ANTXR2: variants seen among roughly 807,000 people sequenced by gnomAD.
ANTXR2 encodes the protein ANTXR cell adhesion molecule 2.
ANTXR2 carries 44 observed loss-of-function variants against 73.7 expected under a neutral mutation model. The ratio of observed to expected loss-of-function variants is 0.60; its 90% CI spans 0.47 to 0.77. The LOEUF is 0.77. Among genes scored for constraint, ANTXR2 ranks in the 30% least tolerant of loss-of-function variants. ANTXR2 has a pLI of 0.00. For missense variants in ANTXR2, 604 were observed against 592.5 expected, an observed-to-expected ratio of 1.02 and a Z score of -0.20; for synonymous variants, 217 against 205.9, an observed-to-expected ratio of 1.05 and a Z score of -0.46.
chr4:79,916,400 G>A (rs182204645), intron 16 of ANTXR2, among the ~76,000 whole-genome samples: 1 of 152,150 alleles, frequency 6.6e-6, no homozygotes, highest in African/African-American at 2.4e-5. Context: ...AATAGATATA[G>A]ATATAATCAG....
At chr4:79,912,079 T>G (rs1173155829) in intron 16 of ANTXR2, among the ~76,000 whole-genome samples, 1 of 151,960 alleles carries the variant, frequency 6.6e-6, no homozygotes, top group Non-Finnish European at 1.5e-5. Flanking sequence ...TATAATACTC[T>G]TTGGATTCAA....
At position 79,978,032 on chromosome 4, in the gene ANTXR2, TGAGGAGGCTG is replaced by T. The variant is rs1262325284; in HGVS notation, c.1312_1321del (p.Gln438ArgfsTer19). ...CTTAATTGGGGTGTACCATTTTGTC[TGAGGAGGCTG>T]GTGTGTGGGTTTGGGTCGAGGTGGT... is the stretch of plus-strand genomic sequence containing the variant. On this transcript the variant is annotated frameshift_variant, in exon 15 of 17. Coordinates refer to ENST00000403729, the MANE Select transcript of ANTXR2 (RefSeq NM_058172.6). LOFTEE classifies it high-confidence loss of function. The T allele has an allele frequency of 5.0e-6, 8 of 1,603,348 alleles. No individual in the cohort carries two copies. Among genetic ancestry groups the T allele is most frequent in the Non-Finnish European group, 6.8e-6 (8 of 1,176,646 alleles).
At chr4:80,060,957 C>T (rs1257779929) in intron 3 of ANTXR2, among the ~76,000 whole-genome samples, 1 of 152,122 alleles carries the variant, frequency 6.6e-6, no homozygotes, top group East Asian at 1.9e-4. Flanking sequence ...AAGCGGAATG[C>T]CTTCACATGG....
chr4:79,990,851 C>A (rs1019691672), intron 12 of ANTXR2, among the ~76,000 whole-genome samples: 1 of 152,042 alleles, frequency 6.6e-6, no homozygotes, highest in Non-Finnish European at 1.5e-5. Flanking sequence ...CAATAACAAG[C>A]AGTGGGGAAA....
At chr4:79,998,886 AG>A (rs1445509378) in intron 12 of ANTXR2, among the ~76,000 whole-genome samples, 1 of 151,980 alleles carries the variant, frequency 6.6e-6, no homozygotes. Context: ...AATTTACATG[AG>A]GCTCCTTTTT....
intron 12 of ANTXR2, among the ~76,000 whole-genome samples, chr4:79,992,684 T>C (rs768176817): frequency 6.6e-6 from 1 of 152,080 alleles, no homozygotes; most frequent in Non-Finnish European, 1.5e-5. Context: ...AAAGAAAGCA[T>C]GTCATATGAC....
intron 2 of ANTXR2, 101 bp from the exon 3 acceptor site, chr4:80,069,608 G>A (rs1734688297): frequency 1.2e-6 from 1 of 867,180 alleles, no homozygotes. Context: ...TGGTCTCACT[G>A]AATGGTCCAG....
intron 16 of ANTXR2, among the ~76,000 whole-genome samples, chr4:79,924,694 G>T (rs1727715293): frequency 6.6e-6 from 1 of 152,058 alleles, no homozygotes; most frequent in Non-Finnish European, 1.5e-5. Flanking sequence ...GAACATGAAA[G>T]TACAGAAAAC....
chr4:80,068,884 GAC>G (rs1201914172), intron 3 of ANTXR2, among the ~76,000 whole-genome samples: 1 of 152,194 alleles, frequency 6.6e-6, no homozygotes, highest in Non-Finnish European at 1.5e-5. Flanking sequence ...GTCTGAAAAA[GAC>G]ACCTTTTAAA....
chr4:79,955,296 A>G (rs1259957912), intron 16 of ANTXR2, among the ~76,000 whole-genome samples: 2 of 152,144 alleles, frequency 1.3e-5, no homozygotes, highest in African/African-American at 4.8e-5. Context: ...TTTAAAGTGT[A>G]ACCAGTAGCA....
intron 16 of ANTXR2, among the ~76,000 whole-genome samples, chr4:79,965,847 G>C (rs1729340408): frequency 6.6e-6 from 1 of 152,084 alleles, no homozygotes; most frequent in South Asian, 2.1e-4. Flanking sequence ...CCTAATATCA[G>C]ATAATTTGTT....
chr4:80,045,825 A>AT (rs1393005971), intron 7 of ANTXR2, among the ~76,000 whole-genome samples: 3 of 151,636 alleles, frequency 2.0e-5, no homozygotes, highest in Admixed American at 1.3e-4. Flanking sequence ...CAGATGTGTG[A>AT]TTTTTATTTT....
chr4:80,066,895 C>G (rs981115833), intron 3 of ANTXR2, among the ~76,000 whole-genome samples: 3 of 152,170 alleles, frequency 2.0e-5, no homozygotes, highest in Non-Finnish European at 4.4e-5. Flanking sequence ...TATGCTGCCT[C>G]TTTAAAGAAA....
At chr4:79,936,686 A>G (rs1321788516) in intron 16 of ANTXR2, among the ~76,000 whole-genome samples, 1 of 152,212 alleles carries the variant, frequency 6.6e-6, no homozygotes, top group Admixed American at 6.5e-5. Flanking sequence ...GGGAAGAAGA[A>G]AAGACTAACA....
chr4:79,993,788 A>G (rs2110034712), intron 12 of ANTXR2, among the ~76,000 whole-genome samples: 1 of 151,742 alleles, frequency 6.6e-6, no homozygotes, highest in Admixed American at 6.6e-5. Flanking sequence ...ACACACATGC[A>G]CTTTTTCTTT....
chr4:79,909,938 C>A (rs1042477753), intron 16 of ANTXR2, among the ~76,000 whole-genome samples: 101 of 152,196 alleles, frequency 6.6e-4, no homozygotes, highest in African/African-American at 2.3e-3. Flanking sequence ...TATAGCCACA[C>A]TACATCGTGC....
intron 16 of ANTXR2, among the ~76,000 whole-genome samples, chr4:79,925,111 C>A (rs907158318): frequency 1.3e-5 from 2 of 152,068 alleles, no homozygotes; most frequent in Non-Finnish European, 2.9e-5. Context: ...TTAGAGAAGG[C>A]TGAATGAATA....
chr4:79,907,556 A>G, intron 16 of ANTXR2, 89 bp from the exon 17 acceptor site: 1 of 1,374,788 alleles, frequency 7.3e-7, no homozygotes, highest in Non-Finnish European at 1.0e-6. Flanking sequence ...ATGATAATAA[A>G]TGATTACCCA....
At chr4:80,030,993 G>C (rs1051893238) in intron 10 of ANTXR2, among the ~76,000 whole-genome samples, 1 of 151,928 alleles carries the variant, frequency 6.6e-6, no homozygotes, top group Non-Finnish European at 1.5e-5. Context: ...AGAATTACTT[G>C]TGTATAAACA....
Sources: allele counts gnomAD v4.1 joint callset (sites outside exome capture counted in the v4.1 genomes callset), GRCh38; gene constraint gnomAD v4.1.1; transcripts MANE v1.5; gene names NCBI Gene and HGNC (gene_info 2026-07-23, HGNC 2026-07-21).